The following ASCC1 variants were observed in gnomAD, a reference collection of about 807,000 sequenced individuals.
ASCC1 encodes ASC-1 complex subunit P50.
A neutral mutation model predicts 46.6 loss-of-function variants in ASCC1; 35 were observed. The ratio of observed to expected loss-of-function variants is 0.75; its 90% CI spans 0.57 to 0.99. The LOEUF (loss-of-function observed/expected upper bound fraction) is 0.99, where lower values mean the gene tolerates loss of function less well. ASCC1 is among the 50% of genes least tolerant of loss of function. The probability of loss-of-function intolerance (pLI) is 0.00; values close to 1 mark genes in which losing one functional copy is unlikely to be tolerated. For synonymous variants in ASCC1, 143 were observed against 146.6 expected (o/e 0.98, Z 0.18); for missense variants, 376 against 428.7 (o/e 0.88, Z 1.09).
chr10:72,181,455 T>C (rs1006194501), intron 5 of ASCC1, among the ~76,000 whole-genome samples: 1 of 152,160 alleles, frequency 6.6e-6, no homozygotes, highest in African/African-American at 2.4e-5. Flanking sequence ...TCATACATGG[T>C]TGCTTTTCAG....
At chr10:72,116,978 G>A (rs185094724) in intron 9 of ASCC1, among the ~76,000 whole-genome samples, 4 of 152,174 alleles carry the variant, frequency 2.6e-5, no homozygotes, top group South Asian at 2.1e-4. Context: ...TGTTGCCCAG[G>A]CTGGAGTGCA....
chr10:72,213,865 C>A (rs1564777041), intron 1 of ASCC1, among the ~76,000 whole-genome samples: 1 of 151,660 alleles, frequency 6.6e-6, no homozygotes, highest in Admixed American at 6.6e-5. Context: ...TAGTGAAACC[C>A]CATCTCTACT....
chr10:72,161,507 C>A, intron 6 of ASCC1, 31 bp downstream of exon 6: 1 of 1,613,992 alleles, frequency 6.2e-7, no homozygotes. Context: ...CCAGGTAGAC[C>A]ACCCAACCCC....
chr10:72,115,283 A>G (rs578080259), intron 9 of ASCC1, among the ~76,000 whole-genome samples: 1 of 152,360 alleles, frequency 6.6e-6, no homozygotes, highest in South Asian at 2.1e-4. Context: ...CAGGTGCAAG[A>G]CACATTGCTA....
chr10:72,111,384 G>A (rs777448907), intron 9 of ASCC1, among the ~76,000 whole-genome samples: 1 of 152,088 alleles, frequency 6.6e-6, no homozygotes, highest in Non-Finnish European at 1.5e-5. Flanking sequence ...TACTCAGGAG[G>A]CTGAAGTGGG....
chr10:72,110,585 G>A (rs986942122), intron 9 of ASCC1, among the ~76,000 whole-genome samples: 8 of 151,906 alleles, frequency 5.3e-5, no homozygotes, highest in African/African-American at 9.7e-5. Flanking sequence ...TCAGGAGTTC[G>A]AGACCAGCCT....
intron 8 of ASCC1, among the ~76,000 whole-genome samples, chr10:72,130,639 G>A (rs919986762): frequency 6.6e-6 from 1 of 152,148 alleles, no homozygotes; most frequent in South Asian, 2.1e-4. Flanking sequence ...AATGGAAAAT[G>A]TACTGATAGC....
At chr10:72,211,791 C>A (rs1365485053) in intron 2 of ASCC1, among the ~76,000 whole-genome samples, 1 of 151,592 alleles carries the variant, frequency 6.6e-6, no homozygotes, top group Non-Finnish European at 1.5e-5. Flanking sequence ...CCACTGCACT[C>A]CAGCCTGGGT....
chr10:72,164,586 A>G (rs186105428), intron 5 of ASCC1, among the ~76,000 whole-genome samples: 1 of 152,372 alleles, frequency 6.6e-6, no homozygotes, highest in East Asian at 1.9e-4. Context: ...TAATGCTGCT[A>G]TAAACATTTG....
rs1193717456 is a variant in ASCC1, at chr10:72,210,680, G to A, written c.212+52C>T. 18 of 1,498,004 alleles carry A rather than the reference G, an allele frequency of 1.2e-5. No individual in the cohort carries two copies. In the Admixed American group the frequency reaches 1.9e-4, roughly 15 times the overall value. 92.8% of individuals were successfully genotyped at this position (1,498,004 alleles called of 1,614,324 possible). On this transcript the variant is annotated intron_variant, in intron 3 of 9. Coordinates refer to ENST00000672957, the MANE Select transcript of ASCC1 (RefSeq NM_001198800.3). Reference sequence around the variant, plus strand: ...TGGAAGACCAAAGGGTCCACTTCCCGCTGAGTTTCCTGGAAGTGTCTTCCC... The same window carrying A: ...TGGAAGACCAAAGGGTCCACTTCCCACTGAGTTTCCTGGAAGTGTCTTCCC...
At chr10:72,185,550 A>C (rs751331602) in intron 5 of ASCC1, among the ~76,000 whole-genome samples, 2 of 152,188 alleles carry the variant, frequency 1.3e-5, no homozygotes, top group Admixed American at 1.3e-4. Context: ...AAGTCACACA[A>C]AAGACTATAT....
Position 72,204,412 on chromosome 10 carries a change from C to T in ASCC1, c.213-888G>A, listed in dbSNP as rs183357591. The T allele has an allele frequency of 6.8e-5, 106 of 1,550,366 alleles. No individual in the cohort carries two copies. In the East Asian group the frequency reaches 2.4e-3, roughly 35 times the overall value. On this transcript the variant is annotated intron_variant, in intron 3 of 9. Coordinates refer to ENST00000672957, the MANE Select transcript of ASCC1 (RefSeq NM_001198800.3). ...CTTAAATCACTTATTGACTCATTTA[C>T]ATTACTTGCCTGGACTTCCAAGTAT...
rs546612162 is a variant in ASCC1 at position 72,170,257 on chromosome 10, T to C, written c.490-8583A>G. Among the ~76,000 whole-genome samples the C allele has an allele frequency of 8.0e-4, 121 of 152,058 alleles. 1 individual carries two copies. The highest frequency in any genetic ancestry group is 2.1e-3 in the South Asian group (10 of 4,816). On this transcript the variant is annotated intron_variant, in intron 5 of 9. Coordinates refer to ENST00000672957, the MANE Select transcript of ASCC1 (RefSeq NM_001198800.3). The stretch of plus-strand genomic sequence containing the variant: ...GCTTATCGGTTGAAAGGTAAAAATA[T>C]AGTAACTATAAAGAAATTAATCAAC...
intron 9 of ASCC1, chr10:72,102,308 T>A: frequency 6.5e-7 from 1 of 1,543,040 alleles, no homozygotes; most frequent in Non-Finnish European, 8.8e-7. Context: ...TTCAGGTGTG[T>A]TTACACACTC....
In ASCC1 at chr10:72,131,931, C is replaced by T. The variant is rs1286521782; in HGVS notation, c.871+1126G>A. Among the ~76,000 whole-genome samples the T allele has an allele frequency of 7.9e-5, 11 of 138,638 alleles. No homozygotes were observed. The Admixed American group carries it at 8.6e-4, about 11-fold the overall frequency. 91.0% of individuals were successfully genotyped at this position (138,638 alleles called of 152,430 possible). On this transcript the variant is annotated intron_variant, in intron 8 of 9. Transcript: ENST00000672957. ...CTTGCTCTGTTGCCAGGCTGGAGTG[C>T]GATCTCGGCACACTGTAACCTCCGC... is the stretch of plus-strand genomic sequence containing the variant.
At chr10:72,204,641 G>T in intron 3 of ASCC1, 1 of 1,182,336 alleles carries the variant, frequency 8.5e-7, no homozygotes, top group Non-Finnish European at 1.2e-6. Context: ...CAATTCTACG[G>T]ATGACTATGT....
chr10:72,121,610 C>T (rs919785829), intron 9 of ASCC1, among the ~76,000 whole-genome samples: 1 of 151,316 alleles, frequency 6.6e-6, no homozygotes, highest in Non-Finnish European at 1.5e-5. Context: ...ATATTAATTT[C>T]AGATGGAGCA....
intron 7 of ASCC1, among the ~76,000 whole-genome samples, chr10:72,143,626 A>T (rs760606294): frequency 6.7e-6 from 1 of 148,606 alleles, no homozygotes; most frequent in Non-Finnish European, 1.5e-5. Context: ...ATGATCTAGT[A>T]TGTAATCATT....
At chr10:72,189,258 A>G (rs1356814716) in intron 5 of ASCC1, among the ~76,000 whole-genome samples, 1 of 150,870 alleles carries the variant, frequency 6.6e-6, no homozygotes, top group African/African-American at 2.4e-5. Context: ...AAAAAAAAAA[A>G]TTAGCCGGGC....
Sources: gnomAD v4.1 joint callset for allele counts (sites outside exome capture counted in the v4.1 genomes callset) on GRCh38, gnomAD v4.1.1 for gene constraint, MANE v1.5 for transcripts, NCBI Gene and HGNC (gene_info 2026-07-23, HGNC 2026-07-21) for gene names.